CDH12: variants seen among roughly 807,000 people sequenced by gnomAD.
CDH12 encodes the protein cadherin 12, also known as cadherin-12.
Under a neutral mutation model 74.1 loss-of-function variants are expected in CDH12, and 41 were observed. That is an observed-to-expected ratio of 0.55 (90% confidence interval 0.43 to 0.72). CDH12 has a LOEUF of 0.72. CDH12 is among the 30% of genes least tolerant of loss of function. CDH12 has a pLI of 0.00. For missense variants in CDH12, 945 were observed against 977.2 expected (o/e 0.97, Z 0.44); for synonymous variants, 399 against 355.0 (o/e 1.12, Z -1.39).
At chr5:22,122,231 C>T (rs925421748) in intron 4 of CDH12, among the ~76,000 whole-genome samples, 3 of 151,956 alleles carry the variant, frequency 2.0e-5, no homozygotes, top group East Asian at 3.9e-4. Flanking sequence ...GGTGAAACCC[C>T]GTCTCTACTA....
intron 2 of CDH12, among the ~76,000 whole-genome samples, chr5:22,489,126 C>T (rs796987630): frequency 3.5e-4 from 44 of 126,244 alleles, no homozygotes; most frequent in African/African-American, 1.2e-3. Flanking sequence ...GGCACGATCT[C>T]GGCTCACTGC....
chr5:22,302,608 G>C (rs935576573), intron 3 of CDH12, among the ~76,000 whole-genome samples: 1 of 152,056 alleles, frequency 6.6e-6, no homozygotes, highest in African/African-American at 2.4e-5. Flanking sequence ...GATCTACATA[G>C]ATATTCAAGT....
intron 8 of CDH12, among the ~76,000 whole-genome samples, chr5:21,840,803 T>A (rs1278440117): frequency 6.6e-6 from 1 of 152,134 alleles, no homozygotes; most frequent in Admixed American, 6.6e-5. Flanking sequence ...TGGCTAGCCA[T>A]ATATAAAAAG....
intron 1 of CDH12, among the ~76,000 whole-genome samples, chr5:22,788,451 GATTATC>G (rs1313636449): frequency 1.3e-5 from 2 of 150,934 alleles, no homozygotes; most frequent in African/African-American, 2.4e-5. Context: ...GAAGAAAAAA[GATTATC>G]ATTATTATAA....
chr5:22,036,204 C>T (rs1048143596), intron 5 of CDH12, among the ~76,000 whole-genome samples: 2 of 152,094 alleles, frequency 1.3e-5, no homozygotes, highest in African/African-American at 4.8e-5. Flanking sequence ...TTTTTTTAGC[C>T]TTGGCAAACT....
chr5:21,927,557 C>T (rs1754643473), intron 6 of CDH12, among the ~76,000 whole-genome samples: 1 of 151,972 alleles, frequency 6.6e-6, no homozygotes, highest in Non-Finnish European at 1.5e-5. Context: ...TGCCACTGCA[C>T]TCCAGCCTGG....
At chr5:21,907,587 G>T (rs1753696687) in intron 6 of CDH12, among the ~76,000 whole-genome samples, 1 of 152,166 alleles carries the variant, frequency 6.6e-6, no homozygotes, top group Non-Finnish European at 1.5e-5. Flanking sequence ...GTCTGTGTCT[G>T]GGAGTTCCTG....
intron 1 of CDH12, among the ~76,000 whole-genome samples, chr5:22,682,472 C>T (rs776220777): frequency 7.2e-5 from 11 of 152,010 alleles, no homozygotes; most frequent in Non-Finnish European, 1.5e-4. Context: ...CGGTAGTGGT[C>T]TCTTATATGG....
At chr5:22,328,942 A>T (rs912286459) in intron 3 of CDH12, among the ~76,000 whole-genome samples, 1 of 152,196 alleles carries the variant, frequency 6.6e-6, no homozygotes, top group South Asian at 2.1e-4. Flanking sequence ...GAGCCCACTA[A>T]AATTTAAATT....
chr5:22,542,489 C>T (rs912400075), intron 1 of CDH12, among the ~76,000 whole-genome samples: 1 of 152,032 alleles, frequency 6.6e-6, no homozygotes, highest in East Asian at 1.9e-4. Context: ...AGGAGAGTAC[C>T]CAGAAGTGGC....
At chr5:22,610,735 T>C (rs1353327038) in intron 1 of CDH12, among the ~76,000 whole-genome samples, 1 of 152,098 alleles carries the variant, frequency 6.6e-6, no homozygotes, top group Non-Finnish European at 1.5e-5. Flanking sequence ...ATTTTTGCTA[T>C]GCTAATATAT....
intron 5 of CDH12, among the ~76,000 whole-genome samples, chr5:21,978,142 A>G (rs12109008): frequency 0.18 from 27,802 of 152,110 alleles, 3,191 homozygotes; most frequent in African/African-American, 0.32. Context: ...TTACCTAGAG[A>G]TAACTTCTCT....
chr5:22,599,342 T>C (rs1398847419), intron 1 of CDH12, among the ~76,000 whole-genome samples: 3 of 152,172 alleles, frequency 2.0e-5, no homozygotes, highest in Non-Finnish European at 4.4e-5. Context: ...CCAAAGTGAC[T>C]ACTTGAGGGA....
chr5:22,624,860 C>T (rs1291315836), intron 1 of CDH12, among the ~76,000 whole-genome samples: 7 of 152,124 alleles, frequency 4.6e-5, no homozygotes, highest in South Asian at 2.1e-4. Context: ...CACATGCACA[C>T]GTATGTTTAT....
At chr5:21,883,651 A>G (rs1752478451) in intron 6 of CDH12, 2 of 1,612,102 alleles carry the variant, frequency 1.2e-6, no homozygotes, top group Non-Finnish European at 1.7e-6. Context: ...ACCAAAGACG[A>G]TGCCATGCTC....
intron 1 of CDH12, among the ~76,000 whole-genome samples, chr5:22,792,525 T>C (rs1480180938): frequency 4.6e-5 from 7 of 152,216 alleles, no homozygotes. Context: ...CTCACTATTA[T>C]TAAGATGTGT....
At chr5:22,411,871 C>T (rs1388520626) in intron 2 of CDH12, among the ~76,000 whole-genome samples, 1 of 151,946 alleles carries the variant, frequency 6.6e-6, no homozygotes, top group Non-Finnish European at 1.5e-5. Flanking sequence ...TCTCTGTTGG[C>T]TTGATGACTA....
intron 1 of CDH12, among the ~76,000 whole-genome samples, chr5:22,649,674 T>C (rs914203912): frequency 6.6e-6 from 1 of 152,056 alleles, no homozygotes; most frequent in Non-Finnish European, 1.5e-5. Flanking sequence ...GAAAATGAGA[T>C]GGCAATGCCA....
At chr5:22,798,349 C>A (rs78704493) in intron 1 of CDH12, among the ~76,000 whole-genome samples, 2 of 151,994 alleles carry the variant, frequency 1.3e-5, no homozygotes, top group Non-Finnish European at 2.9e-5. Context: ...ATGAACTTAC[C>A]GGACTGCTTA....
Sources: allele counts gnomAD v4.1 joint callset (sites outside exome capture counted in the v4.1 genomes callset), GRCh38; gene constraint gnomAD v4.1.1; transcripts MANE v1.5; gene names NCBI Gene and HGNC (gene_info 2026-07-23, HGNC 2026-07-21).